RBFOX3: variants seen among roughly 807,000 people sequenced by gnomAD.
RBFOX3 encodes RNA binding fox-1 homolog 3.
Under a neutral mutation model 48.7 loss-of-function variants are expected in RBFOX3, and 17 were observed. The observed-to-expected ratio is 0.35, with a 90% CI of 0.24 to 0.52. The LOEUF (loss-of-function observed/expected upper bound fraction) is 0.52. Ranked by LOEUF, RBFOX3 falls within the 20% of genes least tolerant of loss-of-function variation. The pLI, the probability that RBFOX3 is intolerant of heterozygous loss-of-function variation, is 0.94. For missense variants in RBFOX3, 382 were observed against 497.5 expected, an observed-to-expected ratio of 0.77 and a Z score of 2.21; for synonymous variants, 212 against 209.5, an observed-to-expected ratio of 1.01 and a Z score of -0.10.
intron 2 of RBFOX3, among the ~76,000 whole-genome samples, chr17:79,328,233 A>AGAAG: frequency 6.6e-6 from 1 of 152,148 alleles, no homozygotes; most frequent in Non-Finnish European, 1.5e-5. Flanking sequence ...TGGATTGGGG[A>AGAAG]GCAGGGGCAA....
At position 79,465,822 on chromosome 17, in the gene RBFOX3, G is replaced by A. The variant is rs113638582; in HGVS notation, c.-175+16632C>T. The stretch of plus-strand genomic sequence containing the variant: ...CAGCAGGGAGTAGGCACGGGATCGC[G>A]GCCTGGGCAGTGCAGGCCGCCTGGA... On this transcript the variant is annotated intron_variant, in intron 2 of 14. Coordinates refer to ENST00000693108, the MANE Select transcript of RBFOX3 (RefSeq NM_001350451.2). 3.8e-3 allele frequency among the ~76,000 whole-genome samples: 585 copies of A among 152,292 alleles called. 4 individuals are homozygous for A. Among genetic ancestry groups the A allele is most frequent in the African/African-American group, 0.013 (558 of 41,566 alleles).
chr17:79,130,718 G>A (rs1458083859), intron 4 of RBFOX3, among the ~76,000 whole-genome samples: 1 of 152,240 alleles, frequency 6.6e-6, no homozygotes, highest in African/African-American at 2.4e-5. Context: ...GGGTCTCACA[G>A]AGCCCGATAC....
At chr17:79,232,231 G>T (rs1022592224) in intron 4 of RBFOX3, among the ~76,000 whole-genome samples, 1 of 152,038 alleles carries the variant, frequency 6.6e-6, no homozygotes, top group East Asian at 1.9e-4. Flanking sequence ...ATTCAATCCC[G>T]ATCAAAATCC....
intron 2 of RBFOX3, among the ~76,000 whole-genome samples, chr17:79,434,387 G>A (rs920171314): frequency 7.2e-5 from 11 of 152,304 alleles, no homozygotes; most frequent in East Asian, 3.9e-4. Context: ...TTATGGGGCC[G>A]TTTGTTACGC....
At chr17:79,451,450 G>C (rs966639995) in intron 2 of RBFOX3, among the ~76,000 whole-genome samples, 1 of 152,130 alleles carries the variant, frequency 6.6e-6, no homozygotes, top group Admixed American at 6.5e-5. Flanking sequence ...GAGGAAGCTG[G>C]GGAAGTCTGT....
At chr17:79,453,003 T>A (rs1362649713) in intron 2 of RBFOX3, among the ~76,000 whole-genome samples, 2 of 151,972 alleles carry the variant, frequency 1.3e-5, no homozygotes, top group African/African-American at 4.8e-5. Context: ...GCTTCATCTC[T>A]CCAGGTCTCG....
chr17:79,566,871 G>A (rs1000423092), intron 1 of RBFOX3, among the ~76,000 whole-genome samples: 35 of 152,220 alleles, frequency 2.3e-4, no homozygotes, highest in Admixed American at 3.9e-4. Context: ...AGCCCCATCC[G>A]GCAAGGCAAG....
In RBFOX3 at chr17:79,255,215, A is replaced by ATG. The variant is rs1491568643; in HGVS notation, c.-73-19412_-73-19411dup. Among the ~76,000 whole-genome samples, 937 of 128,786 alleles carry ATG rather than the reference A, an allele frequency of 7.3e-3. 7 individuals are homozygous for ATG. The highest frequency in any genetic ancestry group is 0.034 in the East Asian group (141 of 4,124). 84.5% of individuals were successfully genotyped at this position (128,786 alleles called of 152,430 possible). On this transcript the variant is annotated intron_variant, in intron 3 of 14. Transcript: ENST00000693108. ...GGGAGCTGAGTGGCCCTGTGGTCAC[A>ATG]TGTGTGCGTGTGTGTGTGTGTGTGT...
chr17:79,340,463 C>T (rs892888323), intron 2 of RBFOX3, among the ~76,000 whole-genome samples: 18 of 152,172 alleles, frequency 1.2e-4, no homozygotes, highest in African/African-American at 3.1e-4. Context: ...CAGCCTGAGC[C>T]GCCCTGTGAT....
chr17:79,520,756 G>T (rs1316497205), intron 1 of RBFOX3, among the ~76,000 whole-genome samples: 1 of 152,192 alleles, frequency 6.6e-6, no homozygotes, highest in Non-Finnish European at 1.5e-5. Flanking sequence ...CTCCAGGGCG[G>T]CAGGGAAAGA....
chr17:79,133,893 C>T (rs1343409494), intron 4 of RBFOX3, among the ~76,000 whole-genome samples: 4 of 152,224 alleles, frequency 2.6e-5, no homozygotes, highest in Non-Finnish European at 5.9e-5. Flanking sequence ...CCCTGGGCCT[C>T]TCTCCCCCAG....
At chr17:79,417,884 C>G (rs1555719975) in intron 2 of RBFOX3, among the ~76,000 whole-genome samples, 1 of 152,216 alleles carries the variant, frequency 6.6e-6, no homozygotes, top group Non-Finnish European at 1.5e-5. Context: ...ATATGACCAG[C>G]CTTACAATGG....
At chr17:79,622,329 C>T in the RBFOX3 span, among the ~76,000 whole-genome samples, 4 of 152,092 alleles carry the variant, frequency 2.6e-5, no homozygotes, top group African/African-American at 9.7e-5. Flanking sequence ...GCATCTGTCA[C>T]GGGGAGTGGC....
intron 12 of RBFOX3, 90 bp from the exon 13 acceptor site, chr17:79,095,664 C>T (rs973550852): frequency 4.0e-5 from 48 of 1,190,476 alleles, no homozygotes; most frequent in Non-Finnish European, 5.1e-5. Context: ...AGACCCTGTG[C>T]GGGTGGGGCC....
At chr17:79,302,181 G>A (rs1437257015) in intron 3 of RBFOX3, among the ~76,000 whole-genome samples, 1 of 152,184 alleles carries the variant, frequency 6.6e-6, no homozygotes, top group African/African-American at 2.4e-5. Flanking sequence ...CTCACTGCAT[G>A]CCGGGCACTG....
At chr17:79,105,406 AG>A (rs2146613096) in intron 6 of RBFOX3, among the ~76,000 whole-genome samples, 1 of 152,322 alleles carries the variant, frequency 6.6e-6, no homozygotes, top group East Asian at 1.9e-4. Flanking sequence ...GGTCCCCTGC[AG>A]GGGGCATCCA....
chr17:79,102,820 C>G (rs945373006), intron 8 of RBFOX3, among the ~76,000 whole-genome samples: 7 of 152,198 alleles, frequency 4.6e-5, no homozygotes, highest in African/African-American at 1.7e-4. Flanking sequence ...ATTAATGGCT[C>G]CTTGGCCGGG....
chr17:79,326,985 C>A (rs1168639799), intron 2 of RBFOX3, among the ~76,000 whole-genome samples: 1 of 152,230 alleles, frequency 6.6e-6, no homozygotes, highest in East Asian at 1.9e-4. Flanking sequence ...AGCTGCACAG[C>A]ACACCAGGAG....
chr17:79,223,613 GTGGCGTGAGAC>G (rs2059977932), intron 4 of RBFOX3, among the ~76,000 whole-genome samples: 1 of 152,206 alleles, frequency 6.6e-6, no homozygotes, highest in Admixed American at 6.5e-5. Flanking sequence ...CCTCAGGCCA[GTGGCGTGAGAC>G]ATGGAGAGGA....
Sources: allele counts gnomAD v4.1 joint callset (sites outside exome capture counted in the v4.1 genomes callset), GRCh38; gene constraint gnomAD v4.1.1; transcripts MANE v1.5; gene names NCBI Gene and HGNC (gene_info 2026-07-23, HGNC 2026-07-21).